Variants in TMCO4 observed in about 807,000 individuals in gnomAD.
The protein encoded by TMCO4 is transmembrane and coiled-coil domains 4, also known as transmembrane and coiled-coil domain-containing protein 4.
TMCO4 carries 58 observed loss-of-function variants against 64.7 expected under a neutral mutation model. The ratio of observed to expected loss-of-function variants is 0.90; its 90% CI spans 0.73 to 1.12. The LOEUF is 1.12. Among genes scored for constraint, TMCO4 ranks in the 50% most tolerant of loss-of-function variants. The pLI is 0.00. For synonymous variants in TMCO4, 325 were observed against 346.1 expected, an observed-to-expected ratio of 0.94 and a Z score of 0.68; for missense variants, 780 against 825.9, an observed-to-expected ratio of 0.94 and a Z score of 0.68.
chr1:19,740,700 T>A (rs1477588064), intron 11 of TMCO4, 77 bp downstream of exon 11: 1 of 1,502,442 alleles, frequency 6.7e-7, no homozygotes, highest in Non-Finnish European at 9.0e-7. Flanking sequence ...GCTTTGGGCA[T>A]GCAAAACTAT....
At chr1:19,791,701 C>G (rs1288249057) in intron 2 of TMCO4, among the ~76,000 whole-genome samples, 1 of 152,228 alleles carries the variant, frequency 6.6e-6, no homozygotes, top group Non-Finnish European at 1.5e-5. Flanking sequence ...ACCAGCAGTA[C>G]CTCTGTGCCC....
At chr1:19,744,684 C>A (rs1244832787) in intron 10 of TMCO4, among the ~76,000 whole-genome samples, 1 of 152,164 alleles carries the variant, frequency 6.6e-6, no homozygotes, top group East Asian at 1.9e-4. Context: ...TGGGCCTTTG[C>A]ACCTGCTGTC....
intron 13 of TMCO4, among the ~76,000 whole-genome samples, chr1:19,731,811 AG>A (rs2100793667): frequency 6.6e-6 from 1 of 152,326 alleles, no homozygotes; most frequent in South Asian, 2.1e-4. Flanking sequence ...TCCCCAAAGC[AG>A]GGAGGTCACA....
At chr1:19,760,339 T>C (rs547892832) in intron 6 of TMCO4, among the ~76,000 whole-genome samples, 40 of 152,290 alleles carry the variant, frequency 2.6e-4, no homozygotes, top group African/African-American at 9.1e-4. Context: ...CTTCCTCAAA[T>C]GTCACCTTCT....
intron 15 of TMCO4, among the ~76,000 whole-genome samples, chr1:19,687,301 G>C (rs143481639): frequency 3.9e-5 from 6 of 152,102 alleles, no homozygotes; most frequent in African/African-American, 1.4e-4. Context: ...TCTCCAGGCT[G>C]GTCTCAAACT....
intron 13 of TMCO4, among the ~76,000 whole-genome samples, chr1:19,733,557 TG>T (rs1275944377): frequency 2.0e-5 from 3 of 152,210 alleles, no homozygotes; most frequent in Non-Finnish European, 4.4e-5. Flanking sequence ...GTGCGTGGGC[TG>T]GGCTGCACAC....
At chr1:19,728,195 G>A (rs774386048) in intron 13 of TMCO4, among the ~76,000 whole-genome samples, 35 of 152,148 alleles carry the variant, frequency 2.3e-4, no homozygotes, top group Non-Finnish European at 4.7e-4. Context: ...ATGTACCCCA[G>A]AACCTAAAAT....
At chr1:19,791,195 C>G (rs922560525) in intron 2 of TMCO4, among the ~76,000 whole-genome samples, 1 of 152,130 alleles carries the variant, frequency 6.6e-6, no homozygotes, top group Admixed American at 6.6e-5. Flanking sequence ...GGAAAAACAG[C>G]TAATGCATGC....
rs141350400 is a variant in TMCO4 at position 19,728,246 on chromosome 1, T to G, written c.1264+9126A>C. On this transcript the variant is annotated intron_variant, in intron 13 of 15. Transcript: ENST00000294543. ...GGAGCTCTGGAGTTGGAAAAAGATATGTCAAAATCCTCATTCTAGGGAGAG... is the reference window on the plus strand; with the variant it reads ...GGAGCTCTGGAGTTGGAAAAAGATAGGTCAAAATCCTCATTCTAGGGAGAG... 2.5e-3 allele frequency among the ~76,000 whole-genome samples: 387 copies of G among 152,336 alleles called. 4 individuals are homozygous for G. The highest frequency in any genetic ancestry group is 0.022 in the East Asian group (116 of 5,188).
chr1:19,777,239 C>T (rs931303224), intron 4 of TMCO4, among the ~76,000 whole-genome samples: 2 of 152,054 alleles, frequency 1.3e-5, no homozygotes, highest in South Asian at 4.2e-4. Flanking sequence ...CCTCTTCCTT[C>T]CTGCCTTGGG....
In TMCO4 at chr1:19,734,166, G is replaced by C. The variant is rs1369166171; in HGVS notation, c.1264+3206C>G. 6.6e-6 allele frequency among the ~76,000 whole-genome samples: 1 copy of C among 152,160 alleles called. No individual in the cohort carries two copies. Among genetic ancestry groups the C allele is most frequent in the Non-Finnish European group, 1.5e-5 (1 of 68,032 alleles). ...GAGACAGAGAGGACGGACCAAGAGG[G>C]AACAATGGAAATAGAGCTTGGTCTG... On this transcript the variant is annotated intron_variant, in intron 13 of 15. Transcript: ENST00000294543. This position sits in a 1 kb window ranked among gnomAD's most constrained non-coding sequence, Gnocchi z 4.4.
intron 10 of TMCO4, among the ~76,000 whole-genome samples, chr1:19,742,440 G>T (rs2100856129): frequency 6.6e-6 from 1 of 152,282 alleles, no homozygotes; most frequent in Non-Finnish European, 1.5e-5. Context: ...GCCTCTACCT[G>T]CCTGCTCCAA....
At chr1:19,748,164 G>A (rs942275151) in intron 7 of TMCO4, among the ~76,000 whole-genome samples, 1 of 152,216 alleles carries the variant, frequency 6.6e-6, no homozygotes, top group African/African-American at 2.4e-5. Context: ...CCCATGAACT[G>A]TGAGGATCCA....
chr1:19,708,438 C>T (rs764605002), intron 13 of TMCO4, among the ~76,000 whole-genome samples: 3 of 151,646 alleles, frequency 2.0e-5, no homozygotes, highest in East Asian at 1.9e-4. Flanking sequence ...GAATGGACAG[C>T]GTCATCACAG....
intron 4 of TMCO4, among the ~76,000 whole-genome samples, chr1:19,773,050 C>T (rs1411767442): frequency 1.3e-5 from 2 of 152,034 alleles, no homozygotes; most frequent in Admixed American, 6.6e-5. Flanking sequence ...ATTAGCTGGG[C>T]GTGGTGGCAT....
At chr1:19,687,598 C>T (rs2095159789) in intron 15 of TMCO4, among the ~76,000 whole-genome samples, 1 of 152,186 alleles carries the variant, frequency 6.6e-6, no homozygotes. Context: ...CCCAAGATGG[C>T]TGCTCAAGCT....
chr1:19,719,769 G>A, intron 13 of TMCO4, among the ~76,000 whole-genome samples: 1 of 152,102 alleles, frequency 6.6e-6, no homozygotes, highest in Non-Finnish European at 1.5e-5. Context: ...CGAGGCAGAT[G>A]GATCACTTAA....
Position 19,757,166 on chromosome 1 carries a change from G to T in TMCO4, c.383-1400C>A, listed in dbSNP as rs868546114. On this transcript the variant is annotated intron_variant, in intron 6 of 15. Transcript: ENST00000294543. ...ATTAGCCAGGCGTGGTGGCGGGGGG[G>T]GGCGCCTGTAATTTCCAGCAACTTG... is the stretch of plus-strand genomic sequence containing the variant. Among the ~76,000 whole-genome samples the T allele has an allele frequency of 7.3e-5, 11 of 150,588 alleles. No individual in the cohort carries two copies. The South Asian group carries it at 1.5e-3, about 21-fold the overall frequency.
At chr1:19,781,715 T>C (rs1410378615) in intron 3 of TMCO4, among the ~76,000 whole-genome samples, 1 of 151,760 alleles carries the variant, frequency 6.6e-6, no homozygotes, top group African/African-American at 2.4e-5. Context: ...GGCACGATCT[T>C]GGCTCACTGC....
Sources: gnomAD v4.1 joint callset for allele counts (sites outside exome capture counted in the v4.1 genomes callset) on GRCh38, gnomAD v4.1.1 for gene constraint, Gnocchi (gnomAD v3.1) non-coding constraint, MANE v1.5 for transcripts, NCBI Gene and HGNC (gene_info 2026-07-23, HGNC 2026-07-21) for gene names.